Variants in NAV2 observed in about 807,000 individuals in gnomAD.
The protein encoded by NAV2 is helicase, APC down-regulated 1.
A neutral mutation model predicts 223.2 loss-of-function variants in NAV2; 54 were observed. The observed-to-expected ratio is 0.24, with a 90% CI of 0.19 to 0.30. The LOEUF (loss-of-function observed/expected upper bound fraction) is 0.30. Among genes scored for constraint, NAV2 ranks in the 10% least tolerant of loss-of-function variants. The probability of loss-of-function intolerance (pLI) is 1.00; values close to 1 mark genes in which losing one functional copy is unlikely to be tolerated. For missense variants in NAV2, 2,806 were observed against 3,147.5 expected, an observed-to-expected ratio of 0.89 and a Z score of 2.60; for synonymous variants, 1,279 against 1,239.3, an observed-to-expected ratio of 1.03 and a Z score of -0.67.
rs2057336748 is a variant in NAV2, at chr11:20,045,460, G to T, written c.3692G>T (p.Arg1231Met). ...GCAGGCCTGCCAGTGCCCAAACTGAGGGAGCCTTCCAAAACAGCCCTAGGC... is the reference window on the plus strand; with the variant it reads ...GCAGGCCTGCCAGTGCCCAAACTGATGGAGCCTTCCAAAACAGCCCTAGGC... ...KSAGLPVPKLREPSKTALGSS... is the reference protein window; with the variant it reads ...KSAGLPVPKLMEPSKTALGSS... Residue 1231 changes from arginine (R) to methionine (M), a missense_variant, in exon 14 of 38, where the codon AGG becomes ATG. Physicochemically the swap from Arg to Met is moderately conservative, Grantham distance 91. Transcript: ENST00000349880. 1 of 1,614,086 alleles carries T rather than the reference G, an allele frequency of 6.2e-7. No individual in the cohort carries two copies. The highest frequency in any genetic ancestry group is 1.3e-5 in the African/African-American group (1 of 74,938).
intron 1 of NAV2, chr11:19,505,911 C>G (rs929247333): frequency 6.6e-6 from 1 of 152,194 alleles, no homozygotes; most frequent in African/African-American, 2.4e-5. Context: ...GGATGCAAAG[C>G]CACACTAAGT....
intron 19 of NAV2, among the ~76,000 whole-genome samples, chr11:20,057,158 A>G (rs1016030447): frequency 3.9e-5 from 6 of 152,200 alleles, no homozygotes; most frequent in Non-Finnish European, 7.3e-5. Flanking sequence ...GAGTAGGGAA[A>G]AAGGGCCAGC....
intron 1 of NAV2, among the ~76,000 whole-genome samples, chr11:19,482,884 A>T (rs1285014533): frequency 6.6e-6 from 1 of 152,222 alleles, no homozygotes; most frequent in African/African-American, 2.4e-5. Flanking sequence ...ACACACTTGC[A>T]TATGTGTATA....
intron 6 of NAV2, among the ~76,000 whole-genome samples, chr11:19,895,520 G>A (rs919736706): frequency 6.6e-6 from 1 of 152,180 alleles, no homozygotes; most frequent in African/African-American, 2.4e-5. Context: ...TTGTATCCAG[G>A]TTCCACTCGG....
chr11:19,782,099 T>C (rs910058163), intron 1 of NAV2, among the ~76,000 whole-genome samples: 1 of 152,186 alleles, frequency 6.6e-6, no homozygotes, highest in East Asian at 1.9e-4. Context: ...GATTTGACCA[T>C]CTCCCAGGTA....
intron 1 of NAV2, among the ~76,000 whole-genome samples, chr11:19,552,322 A>G (rs1767798450): frequency 6.6e-6 from 1 of 152,162 alleles, no homozygotes; most frequent in Non-Finnish European, 1.5e-5. Context: ...GTCTGCAGGG[A>G]ATTCACAGTT....
intron 1 of NAV2, among the ~76,000 whole-genome samples, chr11:19,622,872 C>T (rs889710836): frequency 3.3e-5 from 5 of 152,182 alleles, no homozygotes; most frequent in Admixed American, 6.5e-5. Flanking sequence ...ATGGTCTTTA[C>T]AATTTGGCAT....
At chr11:19,991,440 C>G (rs56990749) in intron 11 of NAV2, among the ~76,000 whole-genome samples, 12,842 of 152,164 alleles carry the variant, frequency 0.084, 584 homozygotes, top group Non-Finnish European at 0.094. Flanking sequence ...GATAAATACT[C>G]TAATTCTTAG....
At chr11:20,009,973 A>G (rs2053430430) in intron 11 of NAV2, among the ~76,000 whole-genome samples, 1 of 151,460 alleles carries the variant, frequency 6.6e-6, no homozygotes, top group Non-Finnish European at 1.5e-5. Context: ...TCCTATTATA[A>G]CTGTCTGCTA....
upstream of NAV2, among the ~76,000 whole-genome samples, chr11:19,349,762 C>T (rs1853196712): frequency 6.6e-6 from 1 of 152,082 alleles, no homozygotes; most frequent in African/African-American, 2.4e-5. Flanking sequence ...GGAGGGTGTA[C>T]CAAGTGTGAA....
At chr11:19,943,091 T>G (rs11606453) in intron 8 of NAV2, among the ~76,000 whole-genome samples, 2 of 152,226 alleles carry the variant, frequency 1.3e-5, no homozygotes, top group Non-Finnish European at 2.9e-5. Flanking sequence ...GTGCGTGTGG[T>G]TAAGGTAATT....
chr11:20,093,314 A>C, intron 29 of NAV2, 115 bp downstream of exon 29: 1 of 706,144 alleles, frequency 1.4e-6, no homozygotes, highest in South Asian at 1.6e-5. Flanking sequence ...ATTTGGAAAT[A>C]CTACTAACCC....
intron 1 of NAV2, among the ~76,000 whole-genome samples, chr11:19,582,299 C>T (rs972266054): frequency 4.6e-4 from 70 of 152,190 alleles, no homozygotes; most frequent in Non-Finnish European, 9.0e-4. Flanking sequence ...CAACAATTTT[C>T]TCCCATTCTG....
chr11:19,728,458 T>A (rs1456227761), intron 1 of NAV2, among the ~76,000 whole-genome samples: 1 of 152,202 alleles, frequency 6.6e-6, no homozygotes, highest in African/African-American at 2.4e-5. Flanking sequence ...GATCTGAATT[T>A]GAGACTAGCC....
At chr11:19,822,046 G>T (rs879515370) in intron 1 of NAV2, among the ~76,000 whole-genome samples, 65 of 152,200 alleles carry the variant, frequency 4.3e-4, no homozygotes, top group Non-Finnish European at 3.5e-4. Flanking sequence ...CACAGAGGTG[G>T]GTTGGAAACT....
At chr11:19,908,575 A>G (rs2043065543) in intron 6 of NAV2, among the ~76,000 whole-genome samples, 1 of 152,234 alleles carries the variant, frequency 6.6e-6, no homozygotes, top group South Asian at 2.1e-4. Flanking sequence ...GCTACATGTG[A>G]CTATTAAGCA....
chr11:19,788,961 G>C lies in NAV2; in HGVS notation c.268-43523G>C, dbSNP rs1378292342. Among the ~76,000 whole-genome samples the C allele has an allele frequency of 2.0e-5, 3 of 152,038 alleles. No homozygotes were observed. In the East Asian group the frequency reaches 5.8e-4, roughly 29 times the overall value. On this transcript the variant is annotated intron_variant, in intron 1 of 37. Transcript: ENST00000349880. ...ATAACATCTATGCCAGTTAGTAACA[G>C]GCTGTCTTCTTGAAATATTGCTGGC...
chr11:19,522,433 A>G (rs2702701), intron 1 of NAV2, among the ~76,000 whole-genome samples: 64,671 of 151,992 alleles, frequency 0.43, 14,272 homozygotes, highest in African/African-American at 0.53. Context: ...AGCTTAGAGG[A>G]TGAGGCCCCA....
intron 1 of NAV2, among the ~76,000 whole-genome samples, chr11:19,743,571 C>A (rs887909507): frequency 6.6e-6 from 1 of 152,208 alleles, no homozygotes; most frequent in African/African-American, 2.4e-5. Context: ...GAGCTTGTGT[C>A]TGGGTTTCCC....
Sources: gnomAD v4.1 joint callset for allele counts (sites outside exome capture counted in the v4.1 genomes callset) on GRCh38, gnomAD v4.1.1 for gene constraint, MANE v1.5 for transcripts, NCBI Gene and HGNC (gene_info 2026-07-23, HGNC 2026-07-21) for gene names.